Variants in ANK3 observed in about 807,000 individuals in gnomAD.
The protein encoded by ANK3 is ankyrin-3.
In ANK3, 57 loss-of-function variants were observed where a neutral mutation model predicts 370.9. The ratio of observed to expected loss-of-function variants is 0.15; its 90% confidence interval spans 0.12 to 0.19. The LOEUF is 0.19. Ranked by LOEUF, ANK3 falls within the 10% of genes least tolerant of loss-of-function variation. The probability of loss-of-function intolerance (pLI) is 1.00; values close to 1 mark genes in which losing one functional copy is unlikely to be tolerated. For synonymous variants in ANK3, 1,929 were observed against 1,946.3 expected (o/e 0.99, Z 0.23); for missense variants, 4,439 against 5,302.1 (o/e 0.84, Z 5.06).
intron 1 of ANK3, among the ~76,000 whole-genome samples, chr10:60,716,484 A>G (rs562265358): frequency 6.6e-6 from 1 of 152,186 alleles, no homozygotes; most frequent in Non-Finnish European, 1.5e-5. Context: ...ATTGTTCTCT[A>G]TTTTCTCTTA....
intron 28 of ANK3, among the ~76,000 whole-genome samples, chr10:60,093,309 C>G (rs1444320000): frequency 1.3e-5 from 2 of 152,172 alleles, no homozygotes; most frequent in African/African-American, 4.8e-5. Context: ...TATTTTTTCA[C>G]TTCAGCCACA....
chr10:60,476,906 TAGAG>T (rs1287889130), intron 2 of ANK3, among the ~76,000 whole-genome samples: 3 of 152,174 alleles, frequency 2.0e-5, no homozygotes, highest in Admixed American at 6.5e-5. Context: ...CAGTCACAAA[TAGAG>T]AGAAGTTTTT....
chr10:60,103,034 T>A (rs1183469769), intron 28 of ANK3, among the ~76,000 whole-genome samples: 5 of 152,104 alleles, frequency 3.3e-5, no homozygotes, highest in African/African-American at 7.2e-5. Context: ...CACTGCAACC[T>A]GCGCCTCCCG....
intron 26 of ANK3, among the ~76,000 whole-genome samples, chr10:60,112,176 A>G (rs963948831): frequency 6.6e-6 from 1 of 152,172 alleles, no homozygotes; most frequent in Non-Finnish European, 1.5e-5. Flanking sequence ...TGTTTCTTCA[A>G]CTTCTCAGTT....
intron 2 of ANK3, among the ~76,000 whole-genome samples, chr10:60,483,431 A>C (rs1183461990): frequency 6.6e-6 from 1 of 152,182 alleles, no homozygotes; most frequent in Admixed American, 6.5e-5. Context: ...TCTGTAAATA[A>C]CTACTTGTCG....
At chr10:60,729,235 A>G (rs2079986481) in intron 1 of ANK3, among the ~76,000 whole-genome samples, 1 of 152,232 alleles carries the variant, frequency 6.6e-6, no homozygotes, top group South Asian at 2.1e-4. Context: ...CTGCAGTCAC[A>G]TAGCTGCTTT....
intron 2 of ANK3, among the ~76,000 whole-genome samples, chr10:60,559,220 A>C (rs2077279037): frequency 6.6e-6 from 1 of 152,178 alleles, no homozygotes; most frequent in African/African-American, 2.4e-5. Context: ...TCACCCAAGC[A>C]GTGTACACTG....
In ANK3 at chr10:60,135,810, A is replaced by G. The variant is rs2094316561; in HGVS notation, c.2739-1437T>C. Among the ~76,000 whole-genome samples the G allele has an allele frequency of 3.3e-5, 5 of 152,178 alleles. No homozygotes were observed. In the South Asian group the frequency reaches 1.0e-3, roughly 32 times the overall value. ...TGGGTATCCTTTTATCAAGGTACAG[A>G]GCCTCCTGACATTAGAGGCCTCATT... On this transcript the variant is annotated intron_variant, in intron 24 of 43. Coordinates refer to ENST00000280772, the MANE Select transcript of ANK3 (RefSeq NM_020987.5).
rs372100773 is a variant in ANK3, at chr10:60,198,302, G to A, written c.1689+38C>T. 23 of 1,599,302 alleles carry A rather than the reference G, an allele frequency of 1.4e-5. No homozygotes were observed. The African/African-American group carries it at 1.7e-4, about 12-fold the overall frequency. ...GGGGAAACGTAAGGAAGATGTATTT[G>A]GGGGGACAGAGCAGGATTCTGAGAT... On this transcript the variant is annotated intron_variant, in intron 14 of 43. Transcript: ENST00000280772.
At chr10:60,588,945 T>A (rs61853473) in intron 2 of ANK3, among the ~76,000 whole-genome samples, 30,812 of 151,680 alleles carry the variant, frequency 0.2, 3,531 homozygotes, top group East Asian at 0.37. Context: ...CAAAAATATA[T>A]TACAACGGGG....
intron 2 of ANK3, among the ~76,000 whole-genome samples, chr10:60,447,249 CA>C (rs2064472617): frequency 6.6e-6 from 1 of 152,098 alleles, no homozygotes; most frequent in South Asian, 2.1e-4. Context: ...CATTTTCAAG[CA>C]TTCTAAAAAC....
chr10:60,148,962 A>G (rs767570121), intron 23 of ANK3, among the ~76,000 whole-genome samples: 11 of 152,254 alleles, frequency 7.2e-5, no homozygotes, highest in Non-Finnish European at 1.6e-4. Context: ...GCCTAGGCAC[A>G]CAAGGACCAT....
chr10:60,104,357 CAAAAAAAAAAAAAAAAAAAAAA>C (rs747064489), intron 28 of ANK3, among the ~76,000 whole-genome samples: 1 of 53,728 alleles, frequency 1.9e-5, no homozygotes, highest in African/African-American at 6.7e-5. Context: ...GACTCCATCT[CAAAAAAAAAAAAAAAAAAAAAA>C]AAAAAAAAAA....
intron 2 of ANK3, among the ~76,000 whole-genome samples, chr10:60,493,829 G>A (rs1226744720): frequency 6.6e-6 from 1 of 152,146 alleles, no homozygotes; most frequent in Non-Finnish European, 1.5e-5. Flanking sequence ...TATACAGTAA[G>A]AATGAGAGAT....
chr10:60,029,206 C>T lies in ANK3; in HGVS notation c.*640G>A, dbSNP rs1029626822. 14 of 152,168 alleles carry T rather than the reference C, an allele frequency of 9.2e-5. No homozygotes were observed. Among genetic ancestry groups the T allele is most frequent in the African/African-American group, 2.9e-4 (12 of 41,396 alleles). 9.4% of individuals were successfully genotyped at this position (152,168 alleles called of 1,614,324 possible). ...AGAATCAGTGAAGAGTCACCCCCACCCAGAATCCCTCCCTCCTCTTCTAGG... is the reference window on the plus strand; with the variant it reads ...AGAATCAGTGAAGAGTCACCCCCACTCAGAATCCCTCCCTCCTCTTCTAGG... On this transcript the variant is annotated 3_prime_UTR_variant, in exon 44 of 44. Coordinates refer to ENST00000280772, the MANE Select transcript of ANK3 (RefSeq NM_020987.5).
intron 2 of ANK3, among the ~76,000 whole-genome samples, chr10:60,432,129 A>T (rs2132980490): frequency 6.6e-6 from 1 of 152,358 alleles, no homozygotes; most frequent in Admixed American, 6.5e-5. Context: ...GCAGTATCAC[A>T]TTAAATAGGC....
chr10:60,065,722 A>G (rs74153180), intron 38 of ANK3, among the ~76,000 whole-genome samples: 3 of 152,198 alleles, frequency 2.0e-5, no homozygotes, highest in African/African-American at 7.2e-5. Flanking sequence ...ATAAAATCAG[A>G]TCTCCCCGGA....
intron 31 of ANK3, 123 bp downstream of exon 31, chr10:60,085,034 C>G (rs926627192): frequency 2.4e-6 from 2 of 842,114 alleles, no homozygotes; most frequent in African/African-American, 3.5e-5. Flanking sequence ...TTTTGATAAG[C>G]AAATACTACG....
chr10:60,287,329 C>A (rs1225825793), intron 1 of ANK3, among the ~76,000 whole-genome samples: 1 of 152,120 alleles, frequency 6.6e-6, no homozygotes, highest in Non-Finnish European at 1.5e-5. Flanking sequence ...TGGTCACTTT[C>A]TTTTTCCTCA....
Sources: allele counts gnomAD v4.1 joint callset (sites outside exome capture counted in the v4.1 genomes callset), GRCh38; gene constraint gnomAD v4.1.1; transcripts MANE v1.5; gene names NCBI Gene and HGNC (gene_info 2026-07-23, HGNC 2026-07-21).